The following IP6K1 variants were observed in gnomAD, a reference collection of about 807,000 sequenced individuals.
IP6K1 encodes the protein inositol hexakisphosphate kinase 1.
IP6K1 carries 13 observed loss-of-function variants against 38.3 expected under a neutral mutation model. That is an observed-to-expected ratio of 0.34 (90% confidence interval 0.22 to 0.54). IP6K1 has a LOEUF of 0.54. Ranked by LOEUF, IP6K1 falls within the 20% of genes least tolerant of loss-of-function variation. IP6K1 has a pLI of 0.92. For synonymous variants in IP6K1, 212 were observed against 229.9 expected, an observed-to-expected ratio of 0.92 and a Z score of 0.70; for missense variants, 397 against 599.8, an observed-to-expected ratio of 0.66 and a Z score of 3.53.
intron 4 of IP6K1, 92 bp downstream of exon 4, chr3:49,732,699 T>C (rs2080573749): frequency 1.9e-6 from 2 of 1,039,870 alleles, no homozygotes; most frequent in East Asian, 5.1e-5. Context: ...AGAGGGACCC[T>C]AGACAAAGAC....
At chr3:49,782,685 T>G (rs1425912328) in intron 1 of IP6K1, among the ~76,000 whole-genome samples, 2 of 147,832 alleles carry the variant, frequency 1.4e-5, no homozygotes, top group Non-Finnish European at 3.0e-5. Context: ...GTGGCGCATG[T>G]GTGTAGTCCT....
rs1260933572 is a variant in IP6K1, at chr3:49,761,326, C to T, written c.-128-13158G>A. Among the ~76,000 whole-genome samples the T allele has an allele frequency of 4.1e-5, 5 of 122,738 alleles. No individual in the cohort carries two copies. In the Admixed American group the frequency reaches 4.3e-4, roughly 10 times the overall value. The allele number at this position is 122,738 out of a possible 152,430, so 80.5% of individuals were successfully genotyped here. On this transcript the variant is annotated intron_variant, in intron 1 of 5. Transcript: ENST00000321599. Reference sequence around the variant, plus strand: ...GAAACTCCATCTCCAAAAGAAAAAACCTATAAAGTTAATGACCTGGCCGGG... The same window carrying T: ...GAAACTCCATCTCCAAAAGAAAAAATCTATAAAGTTAATGACCTGGCCGGG...
chr3:49,727,278 C>T lies in IP6K1; in HGVS notation c.1170G>A (p.Gln390=). 1 of 1,614,168 alleles carries T rather than the reference C, an allele frequency of 6.2e-7. No homozygotes were observed. Residue 390 remains glutamine, a synonymous_variant, in exon 6 of 6, where the codon CAG becomes CAA. Transcript: ENST00000321599. This position sits in a 1 kb window ranked among gnomAD's most constrained non-coding sequence, Gnocchi z 5.9. The part of the protein sequence containing the change: ...NTSPEAGPSS[Q]PKVDVRMIDF... ...CAATCATGCGGACATCCACCTTGGG[C>T]TGAGAGGAGGGACCCGCCTCGGGGC...
chr3:49,783,707 C>T (rs1231608584), intron 1 of IP6K1, among the ~76,000 whole-genome samples: 1 of 121,652 alleles, frequency 8.2e-6, no homozygotes, highest in Admixed American at 7.8e-5. Flanking sequence ...AGCGAGATTC[C>T]GTCTCAAAAA....
intron 3 of IP6K1, 131 bp from the exon 4 acceptor site, chr3:49,733,103 C>A (rs992942382): frequency 1.4e-4 from 76 of 556,466 alleles, no homozygotes; most frequent in Non-Finnish European, 1.4e-4. Context: ...ATTAAGGTCC[C>A]ATGAGCCAAT....
chr3:49,767,087 T>C (rs2080918903), intron 1 of IP6K1, among the ~76,000 whole-genome samples: 1 of 149,766 alleles, frequency 6.7e-6, no homozygotes, highest in African/African-American at 2.5e-5. Flanking sequence ...CTTAACAAGA[T>C]CCCATCTCCA....
chr3:49,761,094 T>A (rs1175004810), intron 1 of IP6K1, among the ~76,000 whole-genome samples: 1 of 151,110 alleles, frequency 6.6e-6, no homozygotes, highest in Non-Finnish European at 1.5e-5. Context: ...GGCGAATGGA[T>A]CACGAGGTCA....
intron 1 of IP6K1, among the ~76,000 whole-genome samples, chr3:49,751,848 A>T (rs988430422): frequency 3.9e-5 from 6 of 152,244 alleles, no homozygotes; most frequent in African/African-American, 1.4e-4. Context: ...GAATTGCAAC[A>T]AATGGAAAGA....
intron 1 of IP6K1, among the ~76,000 whole-genome samples, chr3:49,768,336 A>G (rs1381407553): frequency 1.3e-5 from 2 of 152,262 alleles, no homozygotes; most frequent in Non-Finnish European, 2.9e-5. Flanking sequence ...ATATACATAC[A>G]GTGAAATATT....
chr3:49,779,493 T>G (rs962765288), intron 1 of IP6K1, among the ~76,000 whole-genome samples: 1 of 152,200 alleles, frequency 6.6e-6, no homozygotes, highest in African/African-American at 2.4e-5. Flanking sequence ...GGAGGGAGAT[T>G]GCTGGGTCAT....
intron 2 of IP6K1, among the ~76,000 whole-genome samples, chr3:49,740,968 C>T (rs562770647): frequency 1.3e-5 from 2 of 151,998 alleles, no homozygotes; most frequent in South Asian, 4.2e-4. Flanking sequence ...CCTGCCTCAG[C>T]CTCCTGAGGA....
rs1218258802 is a variant in IP6K1 at position 49,732,174 on chromosome 3, CCTGCCTCAGCCTCCCAAAGTG to C, written c.616+596_616+616del. Among the ~76,000 whole-genome samples the C allele has an allele frequency of 3.3e-5, 5 of 152,148 alleles. No homozygotes were observed. In the East Asian group the frequency reaches 9.6e-4, roughly 29 times the overall value. On this transcript the variant is annotated intron_variant, in intron 4 of 5. Coordinates refer to ENST00000321599, the MANE Select transcript of IP6K1 (RefSeq NM_153273.4). The stretch of plus-strand genomic sequence containing the variant: ...CAAACACCTGGTCTCAAGTGATCCT[CCTGCCTCAGCCTCCCAAAGTG>C]CTGGGATTACAGGTGTGACCCACCA...
intron 4 of IP6K1, 45 bp from the exon 5 acceptor site, chr3:49,728,323 C>T (rs941686516): frequency 1.3e-6 from 2 of 1,591,220 alleles, no homozygotes; most frequent in Non-Finnish European, 1.7e-6. Context: ...CACCATCAGC[C>T]CCAGCCAGGA....
chr3:49,757,615 G>A (rs981968485), intron 1 of IP6K1, among the ~76,000 whole-genome samples: 7 of 152,140 alleles, frequency 4.6e-5, no homozygotes, highest in African/African-American at 1.7e-4. Flanking sequence ...AGCTACTTGA[G>A]GGGCTGAGAC....
intron 4 of IP6K1, among the ~76,000 whole-genome samples, chr3:49,728,701 G>C (rs1220361222): frequency 6.6e-6 from 1 of 151,588 alleles, no homozygotes; most frequent in African/African-American, 2.4e-5. Context: ...TCGGCTGCCT[G>C]AGTAGCTGAG....
At chr3:49,777,666 G>A (rs1274706990) in intron 1 of IP6K1, among the ~76,000 whole-genome samples, 1 of 152,032 alleles carries the variant, frequency 6.6e-6, no homozygotes, top group Non-Finnish European at 1.5e-5. Flanking sequence ...TGTAATCCCA[G>A]CACTTTGGGA....
At position 49,726,731 on chromosome 3, in the gene IP6K1, G is replaced by C. The variant is rs1211147260; in HGVS notation, c.*391C>G. 1 of 281,470 alleles carries C rather than the reference G, an allele frequency of 3.6e-6. No individual in the cohort carries two copies. Among genetic ancestry groups the C allele is most frequent in the Admixed American group, 5.0e-5 (1 of 20,182 alleles). The allele number at this position is 281,470 out of a possible 1,614,324, so 17.4% of individuals were successfully genotyped here. A position where few individuals can be genotyped will look rare whatever the true frequency, so the allele number is the denominator to read the frequency against. On this transcript the variant is annotated 3_prime_UTR_variant, in exon 6 of 6. Transcript: ENST00000321599. ...GGGGAACAAGGGAAGAGTGGGCGTG[G>C]AGGGGCCCTGCACCAGCCCAGGGCT...
At chr3:49,731,748 C>T (rs1007015648) in intron 4 of IP6K1, among the ~76,000 whole-genome samples, 3 of 151,926 alleles carry the variant, frequency 2.0e-5, no homozygotes, top group African/African-American at 7.2e-5. Context: ...CTAGGCTGGG[C>T]GTGGTGGCGC....
intron 1 of IP6K1, among the ~76,000 whole-genome samples, chr3:49,763,192 C>T (rs2108251282): frequency 6.6e-6 from 1 of 151,654 alleles, no homozygotes; most frequent in South Asian, 2.1e-4. Flanking sequence ...CAAGCTCCGC[C>T]TCCCGGGTTC....
Sources: allele counts gnomAD v4.1 joint callset (sites outside exome capture counted in the v4.1 genomes callset), GRCh38; gene constraint gnomAD v4.1.1; non-coding constraint Gnocchi (gnomAD v3.1); transcripts MANE v1.5; gene names NCBI Gene and HGNC (gene_info 2026-07-23, HGNC 2026-07-21).